The following ATOSA variants were observed in gnomAD, a reference collection of about 807,000 sequenced individuals.
ATOSA encodes the protein atos homolog protein A.
chr15:52,636,324 C>G, the ATOSA span, among the ~76,000 whole-genome samples: 1 of 152,080 alleles, frequency 6.6e-6, no homozygotes, highest in Non-Finnish European at 1.5e-5. Flanking sequence ...CCACCCTTTA[C>G]TCTGAAATGA....
the ATOSA span, among the ~76,000 whole-genome samples, chr15:52,688,860 T>C: frequency 6.6e-6 from 1 of 152,226 alleles, no homozygotes; most frequent in African/African-American, 2.4e-5. Flanking sequence ...CTTTTTGATC[T>C]GGCAATCATG....
At chr15:52,609,982 C>T in the ATOSA span, 1 of 1,613,390 alleles carries the variant, frequency 6.2e-7, no homozygotes, top group Non-Finnish European at 8.5e-7. Flanking sequence ...TTGAGATGTC[C>T]CATGGTCAGA....
At chr15:52,662,853 A>G in the ATOSA span, among the ~76,000 whole-genome samples, 6 of 152,150 alleles carry the variant, frequency 3.9e-5, no homozygotes, top group African/African-American at 1.4e-4. Context: ...AATAAAACAC[A>G]AATCCTTCAT....
the ATOSA span, chr15:52,610,191 T>C: frequency 6.2e-7 from 1 of 1,614,004 alleles, no homozygotes; most frequent in Admixed American, 1.7e-5. Flanking sequence ...GTTTATGTTG[T>C]TGAATTCTTT....
At chr15:52,587,933 G>GT in the ATOSA span, among the ~76,000 whole-genome samples, 1 of 152,100 alleles carries the variant, frequency 6.6e-6, no homozygotes, top group East Asian at 1.9e-4. Flanking sequence ...TTTTGATTTT[G>GT]TTTGGTCATT....
chr15:52,639,745 C>T, the ATOSA span, among the ~76,000 whole-genome samples: 1 of 151,980 alleles, frequency 6.6e-6, no homozygotes, highest in South Asian at 2.1e-4. Context: ...ATGCCAGATT[C>T]TGTGGTGAAT....
At chr15:52,689,094 C>T in the ATOSA span, among the ~76,000 whole-genome samples, 4 of 151,906 alleles carry the variant, frequency 2.6e-5, no homozygotes, top group East Asian at 1.9e-4. Context: ...AATTCAACAT[C>T]GTTTGTACTA....
the ATOSA span, among the ~76,000 whole-genome samples, chr15:52,646,059 T>C: frequency 4.6e-5 from 7 of 152,234 alleles, no homozygotes; most frequent in African/African-American, 1.7e-4. Context: ...TTTTACCTCA[T>C]GGGAAAATGG....
At chr15:52,594,855 A>C in the ATOSA span, among the ~76,000 whole-genome samples, 1 of 151,876 alleles carries the variant, frequency 6.6e-6, no homozygotes, top group Non-Finnish European at 1.5e-5. Flanking sequence ...TCTTTTTTTG[A>C]AAAAAGCCTT....
At chr15:52,676,748 A>G in the ATOSA span, among the ~76,000 whole-genome samples, 3 of 152,240 alleles carry the variant, frequency 2.0e-5, no homozygotes, top group African/African-American at 7.2e-5. Flanking sequence ...TGCAAATACT[A>G]TTTTTAAAAC....
chr15:52,678,126 A>G, the ATOSA span: 3 of 1,349,612 alleles, frequency 2.2e-6, no homozygotes, highest in Non-Finnish European at 3.2e-6. Context: ...CAAAATGCTG[A>G]AAGAGACAAA....
At chr15:52,656,469 G>A in the ATOSA span, 1 of 152,038 alleles carries the variant, frequency 6.6e-6, no homozygotes, top group Admixed American at 6.6e-5. Context: ...TGTTTTAAGA[G>A]TTAAACACAT....
the ATOSA span, among the ~76,000 whole-genome samples, chr15:52,606,035 T>G: frequency 1.3e-5 from 2 of 152,110 alleles, no homozygotes; most frequent in Non-Finnish European, 1.5e-5. Flanking sequence ...CAAAGTATCT[T>G]ATTGTACTGT....
At chr15:52,609,436 A>G in the ATOSA span, 1 of 1,613,738 alleles carries the variant, frequency 6.2e-7, no homozygotes, top group East Asian at 2.2e-5. Context: ...AATGTGCTCC[A>G]AGTGTTGAGC....
At chr15:52,602,607 C>T in the ATOSA span, among the ~76,000 whole-genome samples, 1 of 152,178 alleles carries the variant, frequency 6.6e-6, no homozygotes, top group Non-Finnish European at 1.5e-5. Context: ...AGCTAGACAT[C>T]TCTGAATCTC....
chr15:52,657,197 C>G, the ATOSA span: 1 of 152,036 alleles, frequency 6.6e-6, no homozygotes, highest in Admixed American at 6.6e-5. Context: ...AATTACCTAT[C>G]ACTGATACAT....
the ATOSA span, among the ~76,000 whole-genome samples, chr15:52,643,167 GAA>G: frequency 6.6e-6 from 1 of 152,160 alleles, no homozygotes; most frequent in African/African-American, 2.4e-5. Flanking sequence ...TTTGTGGTCA[GAA>G]AGTGATTCAT....
chr15:52,615,405 G>A, the ATOSA span, among the ~76,000 whole-genome samples: 3 of 151,996 alleles, frequency 2.0e-5, no homozygotes, highest in Admixed American at 6.6e-5. Flanking sequence ...CTCTTATCTC[G>A]GCCAATCAAG....
At chr15:52,623,988 T>C in the ATOSA span, among the ~76,000 whole-genome samples, 1 of 152,224 alleles carries the variant, frequency 6.6e-6, no homozygotes, top group African/African-American at 2.4e-5. Flanking sequence ...TAGGAGATTC[T>C]CCTGTATAAT....
Sources: gnomAD v4.1 joint callset for allele counts (sites outside exome capture counted in the v4.1 genomes callset) on GRCh38, gnomAD v4.1.1 for gene constraint, MANE v1.5 for transcripts, NCBI Gene and HGNC (gene_info 2026-07-23, HGNC 2026-07-21) for gene names.